Variants in DOCK8 observed in about 807,000 individuals in gnomAD.
The protein encoded by DOCK8 is dedicator of cytokinesis 8.
In DOCK8, 141 loss-of-function variants were observed where a neutral mutation model predicts 245.6. The observed-to-expected ratio is 0.57, with a 90% CI of 0.50 to 0.66. DOCK8 has a LOEUF of 0.66. DOCK8 is among the 30% of genes least tolerant of loss of function. The pLI is 0.00. For synonymous variants in DOCK8, 1,168 were observed against 970.2 expected, an observed-to-expected ratio of 1.20 and a Z score of -3.79; for missense variants, 2,965 against 2,603.4, an observed-to-expected ratio of 1.14 and a Z score of -3.02.
intron 1 of DOCK8, among the ~76,000 whole-genome samples, chr9:247,007 A>G (rs2047521269): frequency 6.6e-6 from 1 of 152,164 alleles, no homozygotes; most frequent in Non-Finnish European, 1.5e-5. Context: ...TTTTCTCTTT[A>G]AGATGAATAT....
chr9:243,222 G>A (rs2047419638), intron 1 of DOCK8, among the ~76,000 whole-genome samples: 1 of 152,172 alleles, frequency 6.6e-6, no homozygotes, highest in South Asian at 2.1e-4. Flanking sequence ...TATTTGGATT[G>A]CCGGGAGGTG....
At chr9:358,025 C>A (rs140972805) in intron 14 of DOCK8, among the ~76,000 whole-genome samples, 2 of 152,318 alleles carry the variant, frequency 1.3e-5, no homozygotes, top group East Asian at 3.9e-4. Context: ...AGACAGGACA[C>A]AGCAAATGTT....
At chr9:350,691 C>G (rs1053665906) in intron 14 of DOCK8, among the ~76,000 whole-genome samples, 1 of 152,118 alleles carries the variant, frequency 6.6e-6, no homozygotes, top group Non-Finnish European at 1.5e-5. Context: ...CCTCACTTTG[C>G]GGATAAGCAG....
Position 375,769 on chromosome 9 carries a change from G to C in DOCK8, c.2110-441G>C, listed in dbSNP as rs1483611321. Among the ~76,000 whole-genome samples, 3 of 152,136 alleles carry C rather than the reference G, an allele frequency of 2.0e-5. No individual in the cohort carries two copies. In the East Asian group the frequency reaches 5.8e-4, roughly 29 times the overall value. ...CCCAACATTTTGGGAGGCTGAAGTG[G>C]GCAGATCACTTGAGCCCAGAAGTTT... On this transcript the variant is annotated intron_variant, in intron 18 of 47. Transcript: ENST00000432829.
At chr9:398,861 G>A (rs1450494429) in intron 25 of DOCK8, among the ~76,000 whole-genome samples, 4 of 151,448 alleles carry the variant, frequency 2.6e-5, no homozygotes, top group African/African-American at 9.7e-5. Context: ...ATCCAACATA[G>A]TATATAGAGA....
At chr9:397,687 C>G (rs2054529934) in intron 25 of DOCK8, among the ~76,000 whole-genome samples, 1 of 152,012 alleles carries the variant, frequency 6.6e-6, no homozygotes, top group Admixed American at 6.6e-5. Flanking sequence ...GAGACTCCAT[C>G]TAAAAGAAAA....
chr9:454,834 G>A (rs1192061019), intron 46 of DOCK8, among the ~76,000 whole-genome samples: 2 of 152,010 alleles, frequency 1.3e-5, no homozygotes, highest in Non-Finnish European at 2.9e-5. Flanking sequence ...CTAAACATGC[G>A]TTTCTCATTA....
intron 1 of DOCK8, among the ~76,000 whole-genome samples, chr9:227,157 G>C (rs1261947172): frequency 6.6e-6 from 1 of 152,158 alleles, no homozygotes; most frequent in Non-Finnish European, 1.5e-5. Flanking sequence ...TTCCTCAAAG[G>C]ATGCTTTTGT....
At chr9:415,453 A>G (rs1344950823) in intron 29 of DOCK8, among the ~76,000 whole-genome samples, 1 of 152,208 alleles carries the variant, frequency 6.6e-6, no homozygotes, top group African/African-American at 2.4e-5. Context: ...TGCCCTTGGC[A>G]CTAAGTGACT....
At chr9:365,123 G>A (rs960650957) in intron 14 of DOCK8, among the ~76,000 whole-genome samples, 3 of 152,242 alleles carry the variant, frequency 2.0e-5, no homozygotes, top group Non-Finnish European at 4.4e-5. Context: ...GACCCATGAC[G>A]AAAAGTTTGG....
In DOCK8 at chr9:339,110, C is replaced by G. The variant is rs1424444950; in HGVS notation, c.1516+11C>G. 6.2e-7 allele frequency: 1 copy of G among 1,611,510 alleles called. No homozygotes were observed. The highest frequency in any genetic ancestry group is 8.5e-7 in the Non-Finnish European group (1 of 1,177,798). ...TCAAGTCAATTCCAGGTGTGAATGA[C>G]TTATCTTTATCCTCTTTAGCTGTGC... On this transcript the variant is annotated intron_variant, in intron 13 of 47. Transcript: ENST00000432829.
chr9:329,792 G>A lies in DOCK8; in HGVS notation c.1044+1621G>A, dbSNP rs183976432. Among the ~76,000 whole-genome samples, 180 of 152,224 alleles carry A rather than the reference G, an allele frequency of 1.2e-3. 1 individual carries two copies. Among genetic ancestry groups the A allele is most frequent in the Admixed American group, 6.8e-3 (104 of 15,298 alleles). ...CGTCATATTCTGCCAAGTAACAGTG[G>A]TTACCCATTGGTTCCTATCACTTAC... On this transcript the variant is annotated intron_variant, in intron 9 of 47. Coordinates refer to ENST00000432829, the MANE Select transcript of DOCK8 (RefSeq NM_203447.4).
At chr9:417,336 G>A (rs2056070965) in intron 29 of DOCK8, among the ~76,000 whole-genome samples, 1 of 152,122 alleles carries the variant, frequency 6.6e-6, no homozygotes, top group African/African-American at 2.4e-5. Flanking sequence ...CACAACTTTA[G>A]TAGAAGAAAT....
At chr9:396,982 A>G (rs568414318) in intron 25 of DOCK8, 48 bp downstream of exon 25, 3 of 1,559,764 alleles carry the variant, frequency 1.9e-6, no homozygotes, top group Non-Finnish European at 8.8e-7. Flanking sequence ...CCTGGAACAT[A>G]TATTACTTTC....
At chr9:384,058 C>T (rs10814534) in intron 22 of DOCK8, among the ~76,000 whole-genome samples, 25,606 of 152,190 alleles carry the variant, frequency 0.17, 2,672 homozygotes, top group Middle Eastern at 0.26. Flanking sequence ...TGCCATATTA[C>T]ATTTTGCAGT....
Position 401,356 on chromosome 9 carries a change from G to A in DOCK8, c.3234+2097G>A, listed in dbSNP as rs553237641. On this transcript the variant is annotated intron_variant, in intron 26 of 47. Coordinates refer to ENST00000432829, the MANE Select transcript of DOCK8 (RefSeq NM_203447.4). ...GAGAACAGCCATAGGCCTGCAGTGAGGAGGGGACCATCCAGAGGAGCAGGG... is the reference window on the plus strand; with the variant it reads ...GAGAACAGCCATAGGCCTGCAGTGAAGAGGGGACCATCCAGAGGAGCAGGG... Among the ~76,000 whole-genome samples the A allele has an allele frequency of 2.0e-5, 3 of 152,278 alleles. No homozygotes were observed. In the South Asian group the frequency reaches 6.2e-4, roughly 32 times the overall value.
At chr9:359,386 C>G (rs10972268) in intron 14 of DOCK8, among the ~76,000 whole-genome samples, 38,715 of 151,948 alleles carry the variant, frequency 0.25, 5,094 homozygotes, top group Middle Eastern at 0.3. Flanking sequence ...TTATCATCTT[C>G]TGAATGAGGC....
intron 1 of DOCK8, among the ~76,000 whole-genome samples, chr9:257,090 A>C (rs749123473): frequency 2.6e-5 from 4 of 152,218 alleles, no homozygotes; most frequent in Non-Finnish European, 4.4e-5. Flanking sequence ...TAACTTTGGA[A>C]CAGTGCAGTG....
At chr9:322,527 T>A (rs879655247) in intron 7 of DOCK8, among the ~76,000 whole-genome samples, 12 of 152,220 alleles carry the variant, frequency 7.9e-5, no homozygotes, top group Non-Finnish European at 1.3e-4. Context: ...CCTGGGAACC[T>A]TGCTTTCCTG....
Sources: gnomAD v4.1 joint callset for allele counts (sites outside exome capture counted in the v4.1 genomes callset) on GRCh38, gnomAD v4.1.1 for gene constraint, MANE v1.5 for transcripts, NCBI Gene and HGNC (gene_info 2026-07-23, HGNC 2026-07-21) for gene names.